LRRTM4: variants seen among roughly 807,000 people sequenced by gnomAD.
The protein encoded by LRRTM4 is leucine rich repeat transmembrane neuronal 4.
Under a neutral mutation model 47.6 loss-of-function variants are expected in LRRTM4, and 25 were observed. The ratio of observed to expected loss-of-function variants is 0.53; its 90% confidence interval spans 0.38 to 0.73. The LOEUF is 0.73. Among genes scored for constraint, LRRTM4 ranks in the 30% least tolerant of loss-of-function variants. LRRTM4 has a pLI of 0.00. For missense variants in LRRTM4, 638 were observed against 713.4 expected (o/e 0.89, Z 1.20); for synonymous variants, 311 against 269.5 (o/e 1.15, Z -1.51).
chr2:77,039,426 T>C (rs558305696), intron 3 of LRRTM4, among the ~76,000 whole-genome samples: 1 of 151,190 alleles, frequency 6.6e-6, no homozygotes, highest in South Asian at 2.1e-4. Flanking sequence ...TTAGTGTCAG[T>C]TCCCTCAGAG....
intron 3 of LRRTM4, among the ~76,000 whole-genome samples, chr2:76,825,590 C>A (rs1191510275): frequency 1.3e-5 from 2 of 151,508 alleles, no homozygotes; most frequent in Admixed American, 6.6e-5. Context: ...CATTTTGTAT[C>A]CATTTAGGGT....
At chr2:76,970,626 C>G (rs1291868173) in intron 3 of LRRTM4, among the ~76,000 whole-genome samples, 1 of 152,026 alleles carries the variant, frequency 6.6e-6, no homozygotes, top group Non-Finnish European at 1.5e-5. Flanking sequence ...CTTGCGATTT[C>G]TCACAAAAGG....
intron 3 of LRRTM4, among the ~76,000 whole-genome samples, chr2:77,069,046 T>C (rs1680059425): frequency 6.6e-6 from 1 of 152,216 alleles, no homozygotes; most frequent in South Asian, 2.1e-4. Flanking sequence ...TTTTAGTTAG[T>C]TTGATATCTA....
At chr2:77,331,073 G>A (rs1030627276) in intron 3 of LRRTM4, among the ~76,000 whole-genome samples, 2 of 152,038 alleles carry the variant, frequency 1.3e-5, no homozygotes, top group Admixed American at 6.6e-5. Flanking sequence ...AAGATAAAAG[G>A]TGCAACTGGT....
At chr2:77,042,613 T>G (rs531182662) in intron 3 of LRRTM4, among the ~76,000 whole-genome samples, 1 of 151,854 alleles carries the variant, frequency 6.6e-6, no homozygotes, top group African/African-American at 2.4e-5. Flanking sequence ...AGAAGTTTGT[T>G]TTTATTGTAT....
chr2:77,065,473 C>T (rs1410717787), intron 3 of LRRTM4, among the ~76,000 whole-genome samples: 1 of 152,066 alleles, frequency 6.6e-6, no homozygotes, highest in Admixed American at 6.6e-5. Flanking sequence ...CTCAACATTG[C>T]CGTAGAGGAT....
chr2:77,293,030 T>C (rs994264695), intron 3 of LRRTM4, among the ~76,000 whole-genome samples: 4 of 152,140 alleles, frequency 2.6e-5, no homozygotes, highest in African/African-American at 9.6e-5. Context: ...AGGAAATTTT[T>C]CAGTTTGACA....
chr2:77,222,824 A>G (rs1275390388), intron 3 of LRRTM4, among the ~76,000 whole-genome samples: 1 of 152,180 alleles, frequency 6.6e-6, no homozygotes, highest in African/African-American at 2.4e-5. Context: ...TCCAATCAAT[A>G]GAAAAAGAGG....
intron 3 of LRRTM4, among the ~76,000 whole-genome samples, chr2:77,120,426 A>G (rs1244684606): frequency 1.3e-5 from 2 of 151,860 alleles, no homozygotes; most frequent in Non-Finnish European, 2.9e-5. Flanking sequence ...GAGAATTTCA[A>G]AAGATTTGCT....
intron 3 of LRRTM4, among the ~76,000 whole-genome samples, chr2:76,911,422 C>G (rs1221580943): frequency 6.6e-6 from 1 of 152,194 alleles, no homozygotes; most frequent in Admixed American, 6.5e-5. Context: ...TTCCCCAAAA[C>G]AATTACATCA....
chr2:77,218,459 A>G (rs1674520802), intron 3 of LRRTM4, among the ~76,000 whole-genome samples: 2 of 152,048 alleles, frequency 1.3e-5, no homozygotes, highest in South Asian at 4.1e-4. Context: ...TACCCCATAA[A>G]TCCCATCTCT....
At chr2:76,900,128 G>C (rs1320969363) in intron 3 of LRRTM4, among the ~76,000 whole-genome samples, 1 of 152,032 alleles carries the variant, frequency 6.6e-6, no homozygotes, top group African/African-American at 2.4e-5. Flanking sequence ...AGCTGCTTGG[G>C]AGGCTTGAGG....
intron 3 of LRRTM4, among the ~76,000 whole-genome samples, chr2:76,788,332 A>G (rs1674789066): frequency 6.6e-6 from 1 of 152,212 alleles, no homozygotes; most frequent in Non-Finnish European, 1.5e-5. Context: ...TTTGCCCTAG[A>G]TATCCGTCTT....
In LRRTM4 at chr2:77,378,844, G is replaced by A. The variant is rs569328169; in HGVS notation, c.1551+139474C>T. On this transcript the variant is annotated intron_variant, in intron 3 of 3. Transcript: ENST00000409884. Reference sequence around the variant, plus strand: ...TAAATATTGAGCAAATGAGGCCACCGGAGGTTTACCTGGAACAGGTTGAGG... The same window carrying A: ...TAAATATTGAGCAAATGAGGCCACCAGAGGTTTACCTGGAACAGGTTGAGG... Among the ~76,000 whole-genome samples, 12 of 152,202 alleles carry A rather than the reference G, an allele frequency of 7.9e-5. No individual in the cohort carries two copies. The South Asian group carries it at 8.3e-4, about 11-fold the overall frequency.
chr2:77,032,198 G>T (rs563662801), intron 3 of LRRTM4, among the ~76,000 whole-genome samples: 9 of 152,016 alleles, frequency 5.9e-5, no homozygotes, highest in Non-Finnish European at 1.0e-4. Context: ...AAACTGCAGG[G>T]CCTTCATATT....
intron 3 of LRRTM4, among the ~76,000 whole-genome samples, chr2:77,136,130 T>C (rs949101845): frequency 1.3e-5 from 2 of 152,102 alleles, no homozygotes; most frequent in African/African-American, 4.8e-5. Context: ...AAGAGAGTAG[T>C]GGTTCTCCCA....
intron 3 of LRRTM4, among the ~76,000 whole-genome samples, chr2:76,954,677 G>C (rs923727465): frequency 1.3e-5 from 2 of 151,694 alleles, no homozygotes; most frequent in Non-Finnish European, 2.9e-5. Flanking sequence ...TGAAAGTCCA[G>C]ATTTGAAAAA....
chr2:76,918,999 G>T (rs904626488), intron 3 of LRRTM4, among the ~76,000 whole-genome samples: 4 of 152,178 alleles, frequency 2.6e-5, no homozygotes, highest in African/African-American at 7.2e-5. Flanking sequence ...ATTAAAATCA[G>T]CAGAGAAAAG....
intron 3 of LRRTM4, among the ~76,000 whole-genome samples, chr2:76,930,646 T>C (rs888029448): frequency 3.9e-5 from 6 of 152,224 alleles, no homozygotes; most frequent in Middle Eastern, 6.8e-3. Flanking sequence ...TTTTTCACTA[T>C]TGACTTCAGC....
Sources: gnomAD v4.1 joint callset for allele counts (sites outside exome capture counted in the v4.1 genomes callset) on GRCh38, gnomAD v4.1.1 for gene constraint, MANE v1.5 for transcripts, NCBI Gene and HGNC (gene_info 2026-07-23, HGNC 2026-07-21) for gene names.